PDE7A: variants seen among roughly 807,000 people sequenced by gnomAD.
PDE7A encodes the protein phosphodiesterase 7A.
Under a neutral mutation model 64.3 loss-of-function variants are expected in PDE7A, and 39 were observed. That is an observed-to-expected ratio of 0.61 (90% CI 0.47 to 0.79). The LOEUF (loss-of-function observed/expected upper bound fraction) is 0.79, where lower values mean the gene tolerates loss of function less well. Among genes scored for constraint, PDE7A ranks in the 30% least tolerant of loss-of-function variants. The pLI, the probability that PDE7A is intolerant of heterozygous loss-of-function variation, is 0.00. For missense variants in PDE7A, 470 were observed against 582.8 expected (o/e 0.81, Z 1.99); for synonymous variants, 203 against 206.8 (o/e 0.98, Z 0.16).
rs555039463 is a variant in PDE7A, at chr8:65,816,038, T to G, written c.138+25333A>C. On this transcript the variant is annotated intron_variant, in intron 1 of 12. Coordinates refer to ENST00000401827, the MANE Select transcript of PDE7A (RefSeq NM_001242318.3). ...AGCAATGCCACTCTCCTACTTCATT[T>G]TGGAAAATATCTATTTTCATTTAAC... Among the ~76,000 whole-genome samples the G allele has an allele frequency of 1.6e-4, 24 of 152,166 alleles. 1 individual carries two copies. The South Asian group carries it at 4.6e-3, about 29-fold the overall frequency.
chr8:65,723,100 CA>C (rs1231447970), intron 12 of PDE7A: 3 of 153,154 alleles, frequency 2.0e-5, no homozygotes, highest in African/African-American at 7.2e-5. Flanking sequence ...ATTTAATCAA[CA>C]GGCAGTGGTA....
chr8:65,739,833 A>G (rs1345147222), intron 5 of PDE7A, among the ~76,000 whole-genome samples: 2 of 152,208 alleles, frequency 1.3e-5, no homozygotes, highest in African/African-American at 4.8e-5. Flanking sequence ...AGAACTGAAA[A>G]CTAGACATTT....
chr8:65,745,546 G>A (rs756980889), intron 4 of PDE7A, 76 bp from the exon 5 acceptor site: 184 of 801,938 alleles, frequency 2.3e-4, no homozygotes, highest in Non-Finnish European at 3.5e-4. Context: ...CCATAGAGAA[G>A]TTAAAGAAAA....
rs1437889375 is a variant in PDE7A, at chr8:65,727,315, A to G, written c.697-14T>C. The G allele has an allele frequency of 1.9e-6, 3 of 1,612,290 alleles. No homozygotes were observed. Among genetic ancestry groups the G allele is most frequent in the African/African-American group, 2.7e-5 (2 of 74,868 alleles). On this transcript the variant is annotated splice_polypyrimidine_tract_variant and intron_variant, in intron 7 of 12. Transcript: ENST00000401827. ...AGAATTGGCAAGCTGAAGTGTGACA[A>G]AAGAATAATGAATCACAGATATATC... is the stretch of plus-strand genomic sequence containing the variant.
chr8:65,755,710 G>A (rs930429160), intron 3 of PDE7A, among the ~76,000 whole-genome samples: 2 of 152,178 alleles, frequency 1.3e-5, no homozygotes, highest in African/African-American at 2.4e-5. Flanking sequence ...ACCTTTACCA[G>A]TGTTCTTTAT....
Position 65,805,467 on chromosome 8 carries a change from C to T in PDE7A, c.139-22624G>A, listed in dbSNP as rs562776520. On this transcript the variant is annotated intron_variant, in intron 1 of 12. Coordinates refer to ENST00000401827, the MANE Select transcript of PDE7A (RefSeq NM_001242318.3). ...TATGGTGCTGTAGAGGCTAAGGCAA[C>T]TCCATCTTGGTTGCTAATCTACCAT... Among the ~76,000 whole-genome samples, 9 of 152,304 alleles carry T rather than the reference C, an allele frequency of 5.9e-5. No individual in the cohort carries two copies. The South Asian group carries it at 1.9e-3, about 32-fold the overall frequency.
intron 9 of PDE7A, chr8:65,725,275 A>G (rs1375086904): frequency 6.2e-6 from 1 of 162,030 alleles, no homozygotes; most frequent in Non-Finnish European, 1.4e-5. Context: ...TTGCTGGAAA[A>G]TTCTCATGCT....
intron 3 of PDE7A, among the ~76,000 whole-genome samples, chr8:65,777,077 CTTTTTTTT>C (rs56661178): frequency 1.1e-5 from 1 of 90,456 alleles, no homozygotes; most frequent in South Asian, 3.5e-4. Context: ...TTATCAAATG[CTTTTTTTT>C]TTTTTTTTTT....
At chr8:65,827,400 G>A (rs562678005) in intron 1 of PDE7A, among the ~76,000 whole-genome samples, 1 of 152,184 alleles carries the variant, frequency 6.6e-6, no homozygotes, top group East Asian at 1.9e-4. Context: ...AACGTATTAG[G>A]CATATAGAGA....
chr8:65,788,827 T>A, intron 1 of PDE7A: 2 of 1,231,002 alleles, frequency 1.6e-6, no homozygotes, highest in Non-Finnish European at 2.4e-6. Flanking sequence ...TTAATTCCTA[T>A]CAAATATGTA....
intron 3 of PDE7A, among the ~76,000 whole-genome samples, chr8:65,772,235 T>C (rs1218637890): frequency 6.6e-6 from 1 of 152,178 alleles, no homozygotes; most frequent in African/African-American, 2.4e-5. Context: ...TTTAATGAAT[T>C]TAATACACAT....
chr8:65,784,797 A>G (rs1375206452), intron 1 of PDE7A, among the ~76,000 whole-genome samples: 1 of 152,152 alleles, frequency 6.6e-6, no homozygotes, highest in Non-Finnish European at 1.5e-5. Flanking sequence ...AAAAACAGGT[A>G]GGACATAAAT....
At chr8:65,807,911 C>G (rs953816961) in intron 1 of PDE7A, among the ~76,000 whole-genome samples, 1 of 152,216 alleles carries the variant, frequency 6.6e-6, no homozygotes, top group Non-Finnish European at 1.5e-5. Flanking sequence ...AACCCTGGGT[C>G]TTCTAGGTAA....
chr8:65,731,825 T>C (rs1351264563), intron 7 of PDE7A, among the ~76,000 whole-genome samples: 1 of 152,176 alleles, frequency 6.6e-6, no homozygotes, highest in Non-Finnish European at 1.5e-5. Flanking sequence ...ACAAAATATA[T>C]ATACTTAAGT....
chr8:65,744,532 A>G (rs529424138), intron 5 of PDE7A, among the ~76,000 whole-genome samples: 2 of 152,258 alleles, frequency 1.3e-5, no homozygotes, highest in African/African-American at 2.4e-5. Flanking sequence ...GAGTGATTAG[A>G]ATCACCTGTG....
intron 7 of PDE7A, among the ~76,000 whole-genome samples, chr8:65,733,493 AC>A (rs1355161003): frequency 3.3e-5 from 5 of 152,056 alleles, no homozygotes; most frequent in Admixed American, 6.6e-5. Flanking sequence ...ATAGAGTGAG[AC>A]CCTGTCTCTA....
intron 1 of PDE7A, among the ~76,000 whole-genome samples, chr8:65,793,967 C>T (rs945358218): frequency 6.6e-6 from 1 of 152,164 alleles, no homozygotes; most frequent in African/African-American, 2.4e-5. Context: ...AGGGGCTTTT[C>T]GGGTAGGCTA....
Position 65,719,632 on chromosome 8 carries a change from T to C in PDE7A, c.1244-137A>G, listed in dbSNP as rs557524238. 7.0e-5 allele frequency: 45 copies of C among 639,364 alleles called. No individual in the cohort carries two copies. In the African/African-American group the frequency reaches 7.7e-4, roughly 11 times the overall value. 39.6% of individuals were successfully genotyped at this position (639,364 alleles called of 1,614,324 possible). A position where few individuals can be genotyped will look rare whatever the true frequency, so the allele number is the denominator to read the frequency against. Reference sequence around the variant, plus strand: ...TTATTCTTCAAAAGATTCCTGTGTATGTGTAGGTGACAGAGTCTGTAATGT... The same window carrying C: ...TTATTCTTCAAAAGATTCCTGTGTACGTGTAGGTGACAGAGTCTGTAATGT... On this transcript the variant is annotated intron_variant, in intron 12 of 12. Transcript: ENST00000401827.
At chr8:65,779,839 G>A (rs1809363012) in intron 2 of PDE7A, 36 bp from the exon 3 acceptor site, 1 of 1,373,604 alleles carries the variant, frequency 7.3e-7, no homozygotes, top group Admixed American at 2.0e-5. Context: ...AAGTTTAGAA[G>A]GTTGTCATTC....
Sources: allele counts gnomAD v4.1 joint callset (sites outside exome capture counted in the v4.1 genomes callset), GRCh38; gene constraint gnomAD v4.1.1; transcripts MANE v1.5; gene names NCBI Gene and HGNC (gene_info 2026-07-23, HGNC 2026-07-21).